Variants in PCLO observed in about 807,000 individuals in gnomAD.
PCLO encodes protein piccolo.
Under a neutral mutation model 427.5 loss-of-function variants are expected in PCLO, and 82 were observed. The observed-to-expected ratio is 0.19, with a 90% CI of 0.16 to 0.23. The LOEUF (loss-of-function observed/expected upper bound fraction) is 0.23. Among genes scored for constraint, PCLO ranks in the 10% least tolerant of loss-of-function variants. PCLO has a pLI of 1.00. For synonymous variants in PCLO, 2,357 were observed against 2,155.4 expected (o/e 1.09, Z -2.59); for missense variants, 6,239 against 6,115.9 (o/e 1.02, Z -0.67).
intron 10 of PCLO, among the ~76,000 whole-genome samples, chr7:82,877,583 A>C (rs1793403780): frequency 6.6e-6 from 1 of 152,112 alleles, no homozygotes; most frequent in Admixed American, 6.6e-5. Context: ...TTATTCATAT[A>C]GTCTTTCCTT....
intron 3 of PCLO, among the ~76,000 whole-genome samples, chr7:83,023,179 G>A (rs1278259003): frequency 3.3e-5 from 5 of 152,146 alleles, no homozygotes; most frequent in African/African-American, 7.2e-5. Context: ...AAAGCTAAGA[G>A]TATATGGCAA....
intron 3 of PCLO, among the ~76,000 whole-genome samples, chr7:83,036,886 A>G (rs948304696): frequency 6.6e-6 from 1 of 152,102 alleles, no homozygotes; most frequent in African/African-American, 2.4e-5. Flanking sequence ...AAATAGCTTC[A>G]TGGACATTGT....
At chr7:83,036,556 GTTA>G (rs907938100) in intron 3 of PCLO, among the ~76,000 whole-genome samples, 2 of 151,986 alleles carry the variant, frequency 1.3e-5, no homozygotes, top group African/African-American at 4.8e-5. Context: ...CCTCATGTAT[GTTA>G]TTATTAATAT....
At chr7:82,919,319 G>A (rs531897875) in intron 6 of PCLO, among the ~76,000 whole-genome samples, 91 of 152,068 alleles carry the variant, frequency 6.0e-4, no homozygotes, top group South Asian at 3.7e-3. Flanking sequence ...CTATTGAAGA[G>A]GCTATAACCC....
At chr7:82,962,418 C>T (rs1442140252) in intron 4 of PCLO, among the ~76,000 whole-genome samples, 1 of 151,914 alleles carries the variant, frequency 6.6e-6, no homozygotes, top group Non-Finnish European at 1.5e-5. Context: ...ATTCCTTTGT[C>T]AGCAAATGTT....
At chr7:82,815,920 G>A (rs1459728983) in intron 20 of PCLO, among the ~76,000 whole-genome samples, 2 of 151,936 alleles carry the variant, frequency 1.3e-5, no homozygotes, top group East Asian at 1.9e-4. Flanking sequence ...TTAGATCTAC[G>A]TCATTCCTAT....
intron 2 of PCLO, among the ~76,000 whole-genome samples, chr7:83,151,230 C>T (rs1246136057): frequency 1.3e-5 from 2 of 152,086 alleles, no homozygotes; most frequent in South Asian, 2.1e-4. Context: ...TAAAATGAAA[C>T]GATATCACTA....
At chr7:82,855,142 T>C (rs1186885952) in intron 10 of PCLO, among the ~76,000 whole-genome samples, 1 of 152,146 alleles carries the variant, frequency 6.6e-6, no homozygotes, top group South Asian at 2.1e-4. Context: ...ACAGTATTAA[T>C]AGTTAACAAT....
In PCLO at chr7:82,952,478, T is replaced by G; in HGVS notation, c.8475A>C (p.Gln2825His). ...GAEHAMTTPL[Q>H]LTTSKHAEPP... ...GCTCAGCATGCTTTGATGTTGTAAG[T>G]TGGAGTGGTGTTGTCATTGCATGTT... Residue 2825 changes from glutamine (Q) to histidine (H), a missense_variant, in exon 5 of 25, where the codon CAA (glutamine) becomes CAC (histidine). Physicochemically the swap from Gln to His is conservative, Grantham distance 24. Transcript: ENST00000333891. The G allele has an allele frequency of 6.2e-7, 1 of 1,613,892 alleles. No individual in the cohort carries two copies. The highest frequency in any genetic ancestry group is 8.5e-7 in the Non-Finnish European group (1 of 1,179,836).
In PCLO at chr7:83,155,403, T is replaced by G; in HGVS notation, c.1238A>C (p.Gln413Pro). 6.2e-7 allele frequency: 1 copy of G among 1,613,898 alleles called. No homozygotes were observed. ...TAGGGGTTTTGGTGTCCCCACCTGC[T>G]GGGTTGGAGGCTTTGCTGGCCCTGG... Reference protein sequence around the residue: ...QQPGPAKPPTQQVGTPKPLAQ... With the variant: ...QQPGPAKPPTPQVGTPKPLAQ... The change falls in exon 2 of 25, where the codon CAG becomes CCG. Residue 413 changes from glutamine to proline, a missense_variant. By Grantham distance (76) the Gln-to-Pro change is moderately conservative (BLOSUM62 -1). Transcript: ENST00000333891.
chr7:83,136,713 C>T (rs1056041301), intron 2 of PCLO, among the ~76,000 whole-genome samples: 3 of 151,858 alleles, frequency 2.0e-5, no homozygotes, highest in Non-Finnish European at 4.4e-5. Context: ...GAGTAAGTAA[C>T]GTACATATTT....
intron 20 of PCLO, among the ~76,000 whole-genome samples, chr7:82,815,591 G>A (rs1791662149): frequency 6.6e-6 from 1 of 152,068 alleles, no homozygotes; most frequent in African/African-American, 2.4e-5. Flanking sequence ...ATGAGGAAAA[G>A]TGAATTTTGC....
intron 6 of PCLO, among the ~76,000 whole-genome samples, chr7:82,923,764 A>G (rs1794650100): frequency 6.6e-6 from 1 of 152,112 alleles, no homozygotes; most frequent in East Asian, 1.9e-4. Flanking sequence ...AAGGATGGAA[A>G]GTAGTAATAA....
At chr7:82,888,441 A>G (rs1793678991) in intron 9 of PCLO, among the ~76,000 whole-genome samples, 1 of 152,322 alleles carries the variant, frequency 6.6e-6, no homozygotes, top group South Asian at 2.1e-4. Flanking sequence ...GTAGCTCACC[A>G]TATTTTGCCT....
At position 83,134,898 on chromosome 7, in the gene PCLO, G is replaced by A. The variant is rs1248042793; in HGVS notation, c.2652C>T (p.Thr884=). The change falls in exon 3 of 25, where the codon ACC becomes ACT. Residue 884 remains threonine (T), a synonymous_variant. Coordinates refer to ENST00000333891, the MANE Select transcript of PCLO (RefSeq NM_033026.6). Reference sequence around the variant, plus strand: ...GAGGTGTGGGGACAGTTTGGCCAGCGGTAGGTCGTGGGCCAGGGGGTGTTG... The same window carrying A: ...GAGGTGTGGGGACAGTTTGGCCAGCAGTAGGTCGTGGGCCAGGGGGTGTTG... ...GSPTPPGPRP[T]AGQTVPTPQQ... is the part of the protein sequence containing the mutation. The A allele has an allele frequency of 2.6e-5, 42 of 1,602,060 alleles. No individual in the cohort carries two copies. The highest frequency in any genetic ancestry group is 3.2e-5 in the Non-Finnish European group (38 of 1,174,190).
At chr7:83,000,918 GTCAAT>G (rs1157032877) in intron 3 of PCLO, among the ~76,000 whole-genome samples, 1 of 151,998 alleles carries the variant, frequency 6.6e-6, no homozygotes, top group African/African-American at 2.4e-5. Context: ...ATAGGTTACT[GTCAAT>G]TCATTTTTTT....
intron 22 of PCLO, among the ~76,000 whole-genome samples, chr7:82,787,781 G>A (rs1791015030): frequency 6.6e-6 from 1 of 151,876 alleles, no homozygotes; most frequent in Admixed American, 6.6e-5. Flanking sequence ...CCTGTAAATT[G>A]GCTGAGGAAT....
chr7:82,863,774 T>C (rs1484912959), intron 10 of PCLO, among the ~76,000 whole-genome samples: 1 of 152,052 alleles, frequency 6.6e-6, no homozygotes, highest in Non-Finnish European at 1.5e-5. Context: ...GTAATGGCAA[T>C]ATAGTTCTAT....
At chr7:82,882,571 C>G (rs571730778) in intron 9 of PCLO, among the ~76,000 whole-genome samples, 6 of 152,036 alleles carry the variant, frequency 3.9e-5, no homozygotes, top group Admixed American at 2.6e-4. Context: ...ATGGTAATTT[C>G]ACAATACATA....
Sources: allele counts gnomAD v4.1 joint callset (sites outside exome capture counted in the v4.1 genomes callset), GRCh38; gene constraint gnomAD v4.1.1; transcripts MANE v1.5; gene names NCBI Gene and HGNC (gene_info 2026-07-23, HGNC 2026-07-21).